FGF13: variants seen among roughly 807,000 people sequenced by gnomAD.
FGF13 encodes the protein fibroblast growth factor homologous factor 2.
In FGF13, 2 loss-of-function variants were observed where a neutral mutation model predicts 19.5. The ratio of observed to expected loss-of-function variants is 0.10; its 90% CI spans 0.04 to 0.32. The LOEUF (loss-of-function observed/expected upper bound fraction) is 0.32, where lower values mean the gene tolerates loss of function less well. FGF13 is among the 10% of genes least tolerant of loss of function. The probability of loss-of-function intolerance (pLI) is 1.00; values close to 1 mark genes in which losing one functional copy is unlikely to be tolerated. For missense variants in FGF13, 113 were observed against 192.7 expected (o/e 0.59, Z 2.45); for synonymous variants, 72 against 76.9 (o/e 0.94, Z 0.33).
intron 1 of FGF13, among the ~76,000 whole-genome samples, chrX:139,114,742 T>C (rs1207259470): frequency 8.9e-6 from 1 of 112,091 alleles, no homozygotes; most frequent in African/African-American, 3.2e-5. Context: ...ATGACTTAAC[T>C]AATCTATTTA....
At chrX:139,199,204 T>C (rs1005417228) in intron 1 of FGF13, among the ~76,000 whole-genome samples, 1 of 112,462 alleles carries the variant, frequency 8.9e-6, no homozygotes, top group African/African-American at 3.2e-5. Flanking sequence ...TTGCTAAAAC[T>C]ATATTATGTG....
intron 1 of FGF13, among the ~76,000 whole-genome samples, chrX:139,083,102 T>C (rs1020898347): frequency 1.1e-4 from 12 of 110,939 alleles, no homozygotes; most frequent in African/African-American, 3.9e-4. Flanking sequence ...CCTCCCCCTC[T>C]TACCTTTTGG....
At chrX:139,146,014 C>T (rs1343133734) in intron 1 of FGF13, among the ~76,000 whole-genome samples, 3 of 111,798 alleles carry the variant, frequency 2.7e-5, no homozygotes, top group African/African-American at 9.7e-5. Context: ...ACCATAAAAA[C>T]CCTAGAAGAA....
At chrX:138,961,672 C>T (rs1221927255) in intron 1 of FGF13, among the ~76,000 whole-genome samples, 1 of 111,501 alleles carries the variant, frequency 9.0e-6, no homozygotes, top group Non-Finnish European at 1.9e-5. Flanking sequence ...AGAACAGAGC[C>T]CTCAGAAATA....
At chrX:138,749,246 G>A (rs1323353191) in intron 3 of FGF13, among the ~76,000 whole-genome samples, 2 of 109,147 alleles carry the variant, frequency 1.8e-5, no homozygotes, top group Admixed American at 9.9e-5. Context: ...TAGGTGAAGA[G>A]AGTAGCTGCT....
Position 138,933,144 on chromosome X carries a change from C to T in FGF13, c.-112-68494G>A, listed in dbSNP as rs1267950742. On this transcript the variant is annotated intron_variant, in intron 1 of 2. Transcript: ENST00000421460. ...ACTTGTACTGGCTCCCCACTGCCTG[C>T]AGGACTAAGTTCATGTATTTGTCTT... 2.7e-5 allele frequency among the ~76,000 whole-genome samples: 3 copies of T among 111,429 alleles called. No homozygotes were observed. In the East Asian group the frequency reaches 8.5e-4, roughly 32 times the overall value.
intron 3 of FGF13, among the ~76,000 whole-genome samples, chrX:138,671,244 T>C (rs2089608259): frequency 9.0e-6 from 1 of 111,183 alleles, no homozygotes; most frequent in African/African-American, 3.3e-5. Flanking sequence ...CTGAATTACG[T>C]CTCTGCTTCA....
At chrX:139,042,558 A>G (rs2092273476) in intron 1 of FGF13, among the ~76,000 whole-genome samples, 1 of 88,324 alleles carries the variant, frequency 1.1e-5, no homozygotes, top group African/African-American at 4.0e-5. Context: ...CTAGCTATTA[A>G]CATGCATTTA....
intron 1 of FGF13, among the ~76,000 whole-genome samples, chrX:138,981,843 C>T (rs2091965105): frequency 9.0e-6 from 1 of 111,069 alleles, no homozygotes; most frequent in Non-Finnish European, 1.9e-5. Context: ...TTGGTTCATC[C>T]AATTCCTTTG....
intron 1 of FGF13, among the ~76,000 whole-genome samples, chrX:139,109,085 T>G (rs1251321163): frequency 1.8e-5 from 2 of 111,900 alleles, no homozygotes; most frequent in Non-Finnish European, 3.8e-5. Context: ...AGTTATGTTG[T>G]TTAAAGAGTG....
chrX:138,725,974 A>G (rs754502350), intron 1 of FGF13, among the ~76,000 whole-genome samples: 34 of 110,879 alleles, frequency 3.1e-4, no homozygotes, highest in African/African-American at 1.1e-3. Context: ...GGCTTGGTGG[A>G]ATGTCGGAAA....
chrX:138,942,634 G>A, intron 1 of FGF13, among the ~76,000 whole-genome samples: 1 of 111,605 alleles, frequency 9.0e-6, no homozygotes, highest in East Asian at 2.8e-4. Flanking sequence ...AATTCTTCCT[G>A]TCCATACAAA....
At position 138,951,981 on chromosome X, in the gene FGF13, T is replaced by C. The variant is rs1468406494; in HGVS notation, c.-112-87331A>G. On this transcript the variant is annotated intron_variant, in intron 1 of 2. Transcript: ENST00000421460. ...TGCTCATAGGTAGGAAGAATCAATATTGTGAAAATGGCCATACTGCCCAAG... is the reference window on the plus strand; with the variant it reads ...TGCTCATAGGTAGGAAGAATCAATACTGTGAAAATGGCCATACTGCCCAAG... Among the ~76,000 whole-genome samples the C allele has an allele frequency of 2.7e-5, 3 of 111,388 alleles. No individual in the cohort carries two copies. In the Admixed American group the frequency reaches 2.9e-4, roughly 11 times the overall value.
chrX:139,087,940 TG>T (rs2083414800), intron 1 of FGF13, among the ~76,000 whole-genome samples: 1 of 112,157 alleles, frequency 8.9e-6, no homozygotes, highest in Non-Finnish European at 1.9e-5. Context: ...TCTCCACAGT[TG>T]AACAGTACAG....
intron 1 of FGF13, among the ~76,000 whole-genome samples, chrX:138,727,314 AG>A (rs1329468260): frequency 1.8e-5 from 2 of 110,327 alleles, no homozygotes; most frequent in Non-Finnish European, 3.8e-5. Flanking sequence ...CCTTCATTGA[AG>A]CCCCCCCTGC....
intron 1 of FGF13, among the ~76,000 whole-genome samples, chrX:139,141,142 C>A (rs1406302859): frequency 2.8e-5 from 3 of 106,685 alleles, no homozygotes; most frequent in Non-Finnish European, 5.8e-5. Context: ...CAATTGGCAC[C>A]CTTTCCCCAA....
intron 3 of FGF13, among the ~76,000 whole-genome samples, chrX:138,809,225 T>C (rs781742075): frequency 9.0e-6 from 1 of 111,509 alleles, no homozygotes; most frequent in South Asian, 3.8e-4. Context: ...AATCCAGCAG[T>C]ATATCAAAAA....
At chrX:138,774,109 A>G (rs2090568738) in intron 3 of FGF13, among the ~76,000 whole-genome samples, 2 of 111,914 alleles carry the variant, frequency 1.8e-5, no homozygotes, top group Non-Finnish European at 3.8e-5. Context: ...GATCTAGTAG[A>G]AAAAAGTAGG....
At chrX:138,900,734 C>A (rs1338009415) in intron 1 of FGF13, among the ~76,000 whole-genome samples, 2 of 111,787 alleles carry the variant, frequency 1.8e-5, no homozygotes, top group African/African-American at 6.5e-5. Flanking sequence ...GAAGAAAACC[C>A]AAACCCCTTG....
Sources: gnomAD v4.1 joint callset for allele counts (sites outside exome capture counted in the v4.1 genomes callset) on GRCh38, gnomAD v4.1.1 for gene constraint, MANE v1.5 for transcripts, NCBI Gene and HGNC (gene_info 2026-07-23, HGNC 2026-07-21) for gene names.